Variants in ARF1 observed in about 807,000 individuals in gnomAD.
The protein encoded by ARF1 is ARF GTPase 1.
In ARF1, 1 loss-of-function variant was observed where a neutral mutation model predicts 18.0. That is an observed-to-expected ratio of 0.06 (90% CI 0.02 to 0.26). The LOEUF is 0.26. Ranked by LOEUF, ARF1 falls within the 10% of genes least tolerant of loss-of-function variation. The probability of loss-of-function intolerance (pLI) is 1.00; values close to 1 mark genes in which losing one functional copy is unlikely to be tolerated. For missense variants in ARF1, 73 were observed against 247.2 expected (o/e 0.30, Z 4.73); for synonymous variants, 112 against 96.3 (o/e 1.16, Z -0.95).
Position 228,097,109 on chromosome 1 carries a change from A to T in ARF1, c.-6A>T, listed in dbSNP as rs375115515. The stretch of plus-strand genomic sequence containing the variant: ...CTGGCCAGTGTCCTTCCACCTGTCC[A>T]CAAGCATGGGGAACATCTTCGCCAA... On this transcript the variant is annotated 5_prime_UTR_variant, in exon 2 of 5. Coordinates refer to ENST00000272102, the MANE Select transcript of ARF1 (RefSeq NM_001658.4). The surrounding 1 kb of genome is among the most constrained non-coding windows in gnomAD (Gnocchi z 8.1). 9 of 1,593,732 alleles carry T rather than the reference A, an allele frequency of 5.6e-6. No homozygotes were observed. In the African/African-American group the frequency reaches 1.2e-4, roughly 21 times the overall value.
chr1:228,089,330 G>C lies in ARF1; in HGVS notation c.-38+6565G>C, dbSNP rs944320667. On this transcript the variant is annotated intron_variant, in intron 1 of 4. Coordinates refer to ENST00000272102, the MANE Select transcript of ARF1 (RefSeq NM_001658.4). The surrounding 1 kb of genome is among the most constrained non-coding windows in gnomAD (Gnocchi z 4.1). ...CTAGGTCTGGAGTGCCTCCAGAAGC[G>C]AGGATTTCCTGCAAGGGCGGTGGCC... is the stretch of plus-strand genomic sequence containing the variant. 2.0e-5 allele frequency among the ~76,000 whole-genome samples: 3 copies of C among 152,150 alleles called. No homozygotes were observed. Among genetic ancestry groups the C allele is most frequent in the Non-Finnish European group, 2.9e-5 (2 of 68,034 alleles).
chr1:228,088,949 C>T (rs992680917), intron 1 of ARF1, among the ~76,000 whole-genome samples: 5 of 152,128 alleles, frequency 3.3e-5, no homozygotes, highest in East Asian at 1.9e-4. Context: ...AGGACCTGAT[C>T]GGGCGGCAGC....
At chr1:228,096,162 G>A (rs1050194544) in intron 1 of ARF1, among the ~76,000 whole-genome samples, 1 of 152,192 alleles carries the variant, frequency 6.6e-6, no homozygotes, top group Non-Finnish European at 1.5e-5. Flanking sequence ...AGTCACCAGC[G>A]GACAGTCATG....
chr1:228,090,272 TG>T (rs1344389327), intron 1 of ARF1, among the ~76,000 whole-genome samples: 1 of 152,204 alleles, frequency 6.6e-6, no homozygotes, highest in Non-Finnish European at 1.5e-5. Flanking sequence ...AGAATTGGAC[TG>T]GGCCATGATC....
chr1:228,087,174 G>C (rs1004045839), intron 1 of ARF1, among the ~76,000 whole-genome samples: 1 of 152,232 alleles, frequency 6.6e-6, no homozygotes, highest in Non-Finnish European at 1.5e-5. Flanking sequence ...TCCAGTGGTA[G>C]CATGGCTAGA....
At chr1:228,094,667 G>A (rs996205462) in intron 1 of ARF1, among the ~76,000 whole-genome samples, 5 of 152,248 alleles carry the variant, frequency 3.3e-5, no homozygotes, top group South Asian at 2.1e-4. Flanking sequence ...CTGTGGGCTC[G>A]CATCCTCTCC....
At chr1:228,084,630 A>G (rs563064036) in intron 1 of ARF1, among the ~76,000 whole-genome samples, 1 of 152,336 alleles carries the variant, frequency 6.6e-6, no homozygotes, top group East Asian at 1.9e-4. Flanking sequence ...ACATTCAGAC[A>G]TCTTCAACTG....
chr1:228,088,581 C>T (rs1029212895), intron 1 of ARF1, among the ~76,000 whole-genome samples: 2 of 152,130 alleles, frequency 1.3e-5, no homozygotes, highest in Non-Finnish European at 2.9e-5. Context: ...AACAAAATCA[C>T]CTTATAAATC....
At chr1:228,085,024 A>G (rs2124841599) in intron 1 of ARF1, among the ~76,000 whole-genome samples, 1 of 152,238 alleles carries the variant, frequency 6.6e-6, no homozygotes, top group Non-Finnish European at 1.5e-5. Context: ...TCTCCCCTTG[A>G]CCTTTCACCT....
At chr1:228,092,120 T>C (rs931001427) in intron 1 of ARF1, among the ~76,000 whole-genome samples, 2 of 152,232 alleles carry the variant, frequency 1.3e-5, no homozygotes, top group African/African-American at 4.8e-5. Context: ...GTAATTTATC[T>C]GTCAGTGAAC....
At chr1:228,086,404 T>A (rs2032402073) in intron 1 of ARF1, among the ~76,000 whole-genome samples, 1 of 151,514 alleles carries the variant, frequency 6.6e-6, no homozygotes, top group African/African-American at 2.4e-5. Flanking sequence ...TAGTCCCAGC[T>A]ACCCGGGAGG....
At chr1:228,093,011 G>A (rs974257102) in intron 1 of ARF1, among the ~76,000 whole-genome samples, 1 of 152,100 alleles carries the variant, frequency 6.6e-6, no homozygotes, top group Admixed American at 6.6e-5. Flanking sequence ...CTTCCTAAAA[G>A]ACTTTTTTTC....
At chr1:228,092,677 C>T (rs1300333667) in intron 1 of ARF1, among the ~76,000 whole-genome samples, 1 of 152,186 alleles carries the variant, frequency 6.6e-6, no homozygotes, top group Non-Finnish European at 1.5e-5. Context: ...GATCAACCTT[C>T]CGCCTGCGCC....
intron 1 of ARF1, among the ~76,000 whole-genome samples, chr1:228,086,680 C>T (rs940989883): frequency 2.6e-5 from 4 of 152,172 alleles, no homozygotes; most frequent in Admixed American, 1.3e-4. Context: ...TGTCTCTTCC[C>T]TCATACACCG....
At chr1:228,093,053 AAG>A (rs1167897567) in intron 1 of ARF1, among the ~76,000 whole-genome samples, 1 of 152,116 alleles carries the variant, frequency 6.6e-6, no homozygotes, top group Non-Finnish European at 1.5e-5. Flanking sequence ...GTGGTCAGGA[AAG>A]AGAAGTAGCC....
At chr1:228,088,722 G>A (rs1228658935) in intron 1 of ARF1, among the ~76,000 whole-genome samples, 4 of 152,150 alleles carry the variant, frequency 2.6e-5, no homozygotes. Flanking sequence ...GAGCAGCCTG[G>A]TAAGGGTGGT....
intron 1 of ARF1, among the ~76,000 whole-genome samples, chr1:228,094,563 G>GTGTCC (rs1264870278): frequency 1.3e-5 from 2 of 152,058 alleles, no homozygotes; most frequent in Non-Finnish European, 2.9e-5. Context: ...ATTCTTGCAG[G>GTGTCC]TGTCCACTTC....
Position 228,089,899 on chromosome 1 carries a change from C to T in ARF1, c.-38+7134C>T, listed in dbSNP as rs1468222972. Among the ~76,000 whole-genome samples, 1 of 152,200 alleles carries T rather than the reference C, an allele frequency of 6.6e-6. No individual in the cohort carries two copies. Among genetic ancestry groups the T allele is most frequent in the Admixed American group, 6.5e-5 (1 of 15,290 alleles). ...GTGAGTGTGTAGTTCAGGAAGTGAA[C>T]TGGCAAAACTGAGTATCACCCTCTC... is the stretch of plus-strand genomic sequence containing the variant. On this transcript the variant is annotated intron_variant, in intron 1 of 4. Transcript: ENST00000272102. This position sits in a 1 kb window ranked among gnomAD's most constrained non-coding sequence, Gnocchi z 4.1.
At chr1:228,083,559 C>T (rs1234055837) in intron 1 of ARF1, 1 of 152,302 alleles carries the variant, frequency 6.6e-6, no homozygotes, top group Non-Finnish European at 1.5e-5. Context: ...GGTCGATCTT[C>T]GCTTTAACTC....
Sources: gnomAD v4.1 joint callset for allele counts (sites outside exome capture counted in the v4.1 genomes callset) on GRCh38, gnomAD v4.1.1 for gene constraint, Gnocchi (gnomAD v3.1) non-coding constraint, MANE v1.5 for transcripts, NCBI Gene and HGNC (gene_info 2026-07-23, HGNC 2026-07-21) for gene names.